Variants in CTCF observed in about 807,000 individuals in gnomAD.
CTCF encodes the protein transcriptional repressor CTCF.
CTCF carries 7 observed loss-of-function variants against 72.3 expected under a neutral mutation model. The ratio of observed to expected loss-of-function variants is 0.10; its 90% confidence interval spans 0.06 to 0.18. The LOEUF is 0.18. CTCF is among the 10% of genes least tolerant of loss of function. CTCF has a pLI of 1.00. For missense variants in CTCF, 516 were observed against 949.1 expected (o/e 0.54, Z 6.00); for synonymous variants, 374 against 315.8 (o/e 1.18, Z -1.95).
intron 5 of CTCF, among the ~76,000 whole-genome samples, chr16:67,619,011 C>T (rs1466824307): frequency 1.3e-5 from 2 of 152,126 alleles, no homozygotes; most frequent in Non-Finnish European, 2.9e-5. Flanking sequence ...GAATAGATAG[C>T]TCATTGGAAC....
intron 2 of CTCF, among the ~76,000 whole-genome samples, chr16:67,594,578 T>G (rs770497704): frequency 6.6e-6 from 1 of 151,738 alleles, no homozygotes; most frequent in African/African-American, 2.4e-5. Context: ...TAGTGATGCG[T>G]AAAAAAACTT....
At chr16:67,619,193 T>C (rs1341129784) in intron 5 of CTCF, among the ~76,000 whole-genome samples, 1 of 152,180 alleles carries the variant, frequency 6.6e-6, no homozygotes, top group Non-Finnish European at 1.5e-5. Context: ...CCCAGCACTT[T>C]GGGAAGCTGA....
chr16:67,592,160 C>G (rs547635622), intron 2 of CTCF, among the ~76,000 whole-genome samples: 1 of 152,202 alleles, frequency 6.6e-6, no homozygotes, highest in African/African-American at 2.4e-5. Context: ...ACCTGTAAAC[C>G]CAGCACTTTG....
intron 2 of CTCF, among the ~76,000 whole-genome samples, chr16:67,608,524 C>G (rs948163031): frequency 1.1e-4 from 17 of 152,102 alleles, no homozygotes; most frequent in African/African-American, 4.1e-4. Flanking sequence ...GTCAAAAACC[C>G]TTGACAGGGT....
rs571252624 is a variant in CTCF, at chr16:67,609,603, G to A, written c.-9-1221G>A. Among the ~76,000 whole-genome samples the A allele has an allele frequency of 3.3e-5, 5 of 150,860 alleles. No homozygotes were observed. The East Asian group carries it at 9.7e-4, about 29-fold the overall frequency. ...AGAGTTTCTCAGCCTCAGTGCTCTT[G>A]ACATCTTGGGCCTGATAATTCTTTT... On this transcript the variant is annotated intron_variant, in intron 2 of 11. Coordinates refer to ENST00000264010, the MANE Select transcript of CTCF (RefSeq NM_006565.4).
At chr16:67,624,097 GTGTGTGTGTGTGTGTGTGTA>G (rs1567614022) in intron 7 of CTCF, among the ~76,000 whole-genome samples, 4 of 130,576 alleles carry the variant, frequency 3.1e-5, no homozygotes, top group South Asian at 2.5e-4. Context: ...GTGTGTGTGT[GTGTGTGTGTGTGTGTGTGTA>G]TGTGTGTGTA....
intron 1 of CTCF, among the ~76,000 whole-genome samples, chr16:67,566,724 C>T (rs1446892445): frequency 3.3e-5 from 5 of 151,194 alleles, no homozygotes; most frequent in East Asian, 4.0e-4. Context: ...GGACTACAGG[C>T]GCCTGCCACC....
rs1232115959 is a variant in CTCF, at chr16:67,601,293, CCGTGTG to C, written c.-9-9530_-9-9525del. 3.5e-3 allele frequency among the ~76,000 whole-genome samples: 265 copies of C among 75,574 alleles called. 1 individual carries two copies. The highest frequency in any genetic ancestry group is 0.013 in the African/African-American group (252 of 19,678). The allele number at this position is 75,574 out of a possible 152,430, so 49.6% of individuals were successfully genotyped here. A position where few individuals can be genotyped will look rare whatever the true frequency, so the allele number is the denominator to read the frequency against. ...TTTAAGACAGAGTCTCACTCTGTCA[CCGTGTG>C]TGTGTGTGTGTGTGTGTGTGTGTGT... is the stretch of plus-strand genomic sequence containing the variant. On this transcript the variant is annotated intron_variant, in intron 2 of 11. Coordinates refer to ENST00000264010, the MANE Select transcript of CTCF (RefSeq NM_006565.4).
intron 7 of CTCF, among the ~76,000 whole-genome samples, chr16:67,623,904 C>T (rs933837175): frequency 2.6e-5 from 4 of 151,764 alleles, no homozygotes; most frequent in African/African-American, 7.3e-5. Flanking sequence ...AAAAATTAGC[C>T]GGGTGTGGTG....
chr16:67,624,125 G>GTA lies in CTCF; in HGVS notation c.1358-2422_1358-2421dup, dbSNP rs1157876040. 4.8e-5 allele frequency among the ~76,000 whole-genome samples: 6 copies of GTA among 124,894 alleles called. 1 individual carries two copies. The highest frequency in any genetic ancestry group is 2.5e-4 in the South Asian group (1 of 4,056). The allele number at this position is 124,894 out of a possible 152,430, so 81.9% of individuals were successfully genotyped here. On this transcript the variant is annotated intron_variant, in intron 7 of 11. Transcript: ENST00000264010. ...TGTGTGTGTGTGTGTGTATGTGTGT[G>GTA]TATATATATGTGTGTGTGTGTATAT...
At position 67,601,294 on chromosome 16, in the gene CTCF, C is replaced by CGTGTGTGT. The variant is rs58241150; in HGVS notation, c.-9-9493_-9-9486dup. On this transcript the variant is annotated intron_variant, in intron 2 of 11. Coordinates refer to ENST00000264010, the MANE Select transcript of CTCF (RefSeq NM_006565.4). The stretch of plus-strand genomic sequence containing the variant: ...TTAAGACAGAGTCTCACTCTGTCAC[C>CGTGTGTGT]GTGTGTGTGTGTGTGTGTGTGTGTG... Among the ~76,000 whole-genome samples the CGTGTGTGT allele has an allele frequency of 6.2e-3, 607 of 98,678 alleles. 2 individuals are homozygous for CGTGTGTGT. The highest frequency in any genetic ancestry group is 0.012 in the South Asian group (30 of 2,442). 64.7% of individuals were successfully genotyped at this position (98,678 alleles called of 152,430 possible).
intron 2 of CTCF, among the ~76,000 whole-genome samples, chr16:67,608,790 G>A (rs2052014021): frequency 6.6e-6 from 1 of 151,352 alleles, no homozygotes; most frequent in African/African-American, 2.4e-5. Flanking sequence ...AGGCTGCACA[G>A]TACAATGGCG....
chr16:67,594,239 C>T (rs967181476), intron 2 of CTCF, among the ~76,000 whole-genome samples: 1 of 151,910 alleles, frequency 6.6e-6, no homozygotes, highest in African/African-American at 2.4e-5. Flanking sequence ...ATAAAATGAA[C>T]CAAGTATGGT....
intron 4 of CTCF, chr16:67,612,349 T>G (rs2142829942): frequency 2.7e-6 from 1 of 363,684 alleles, no homozygotes; most frequent in East Asian, 5.3e-5. Context: ...AAAAGAAGTC[T>G]CAGGCAATAG....
chr16:67,612,408 G>A (rs117017165), intron 4 of CTCF: 6,846 of 210,948 alleles, frequency 0.032, 150 homozygotes, highest in Middle Eastern at 0.12. Context: ...TGAAATCCCA[G>A]TGAAACCCTG....
chr16:67,624,855 A>G (rs1029817572), intron 7 of CTCF, among the ~76,000 whole-genome samples: 8 of 151,794 alleles, frequency 5.3e-5, no homozygotes, highest in Non-Finnish European at 1.2e-4. Flanking sequence ...CAGCCTCCCA[A>G]TATGCTAGGA....
intron 2 of CTCF, among the ~76,000 whole-genome samples, chr16:67,581,891 G>A (rs2051587605): frequency 6.6e-6 from 1 of 152,140 alleles, no homozygotes; most frequent in South Asian, 2.1e-4. Context: ...GAAAGTGCTG[G>A]GGTTACAGGT....
rs2142886902 is a variant in CTCF at position 67,636,758 on chromosome 16, C to T, written c.1906C>T (p.Pro636Ser). Reference sequence around the variant, plus strand: ...GCCTGCCGTAGAAATTGAACCTGAGCCAGAGCCTCAGCCTGTGACCCCAGC... The same window carrying T: ...GCCTGCCGTAGAAATTGAACCTGAGTCAGAGCCTCAGCCTGTGACCCCAGC... ...EEPAVEIEPE[P>S]EPQPVTPAPP... The change falls in exon 11 of 12, where the codon CCA becomes TCA. Residue 636 changes from proline (P) to serine (S), a missense_variant. Around this residue, in one of 7 missense-constraint regions of CTCF, gnomAD observed 157 missense variants for 172.9 expected, o/e 0.91. Coordinates refer to ENST00000264010, the MANE Select transcript of CTCF (RefSeq NM_006565.4). 6.2e-7 allele frequency: 1 copy of T among 1,607,956 alleles called. No homozygotes were observed. Among genetic ancestry groups the T allele is most frequent in the Non-Finnish European group, 8.5e-7 (1 of 1,177,218 alleles).
At chr16:67,601,618 A>T (rs2051893333) in intron 2 of CTCF, among the ~76,000 whole-genome samples, 1 of 152,008 alleles carries the variant, frequency 6.6e-6, no homozygotes, top group Non-Finnish European at 1.5e-5. Context: ...TGAGAGGCTG[A>T]TGGCTTGCTA....
Sources: gnomAD v4.1 joint callset for allele counts (sites outside exome capture counted in the v4.1 genomes callset) on GRCh38, gnomAD v4.1.1 for gene constraint, gnomAD v4.1.1 regional missense constraint, MANE v1.5 for transcripts, NCBI Gene and HGNC (gene_info 2026-07-23, HGNC 2026-07-21) for gene names.